Variants in DCUN1D4 observed in about 807,000 individuals in gnomAD.
DCUN1D4 encodes the protein DCN1-like protein 4.
Under a neutral mutation model 47.9 loss-of-function variants are expected in DCUN1D4, and 22 were observed. The ratio of observed to expected loss-of-function variants is 0.46; its 90% confidence interval spans 0.33 to 0.66. The LOEUF is 0.66. Among genes scored for constraint, DCUN1D4 ranks in the 30% least tolerant of loss-of-function variants. DCUN1D4 has a pLI of 0.02. For synonymous variants in DCUN1D4, 121 were observed against 112.2 expected (o/e 1.08, Z -0.50); for missense variants, 301 against 340.8 (o/e 0.88, Z 0.92).
the DCUN1D4 span, among the ~76,000 whole-genome samples, chr4:51,835,014 G>A: frequency 6.6e-6 from 1 of 152,190 alleles, no homozygotes; most frequent in Admixed American, 6.5e-5. Context: ...GGTGGGCAGA[G>A]AGAATACAGG....
intron 3 of DCUN1D4, among the ~76,000 whole-genome samples, chr4:51,872,902 G>T (rs1362229753): frequency 1.3e-5 from 2 of 152,264 alleles, no homozygotes; most frequent in Admixed American, 1.3e-4. Context: ...CCGTGATGCT[G>T]CTCGGAACCA....
chr4:51,869,514 A>G (rs971341671), intron 3 of DCUN1D4, among the ~76,000 whole-genome samples: 6 of 152,200 alleles, frequency 3.9e-5, no homozygotes, highest in African/African-American at 7.2e-5. Flanking sequence ...TGGCACATCT[A>G]TTTGTATTAA....
At position 51,843,171 on chromosome 4, in the gene DCUN1D4, A is replaced by G. The variant is rs979508919; in HGVS notation, c.-72A>G. 67 of 1,530,064 alleles carry G rather than the reference A, an allele frequency of 4.4e-5. No homozygotes were observed. The highest frequency in any genetic ancestry group is 1.0e-4 in the Admixed American group (5 of 49,422). The allele number at this position is 1,530,064 out of a possible 1,614,324, so 94.8% of individuals were successfully genotyped here. A position where few individuals can be genotyped will look rare whatever the true frequency, so the allele number is the denominator to read the frequency against. The stretch of plus-strand genomic sequence containing the variant: ...GGTCCTCAGCTTCGAGCCGAGGTGC[A>G]GTGAGCTGGTGGGGGGACCGCGAGG... On this transcript the variant is annotated 5_prime_UTR_variant, in exon 1 of 11. Coordinates refer to ENST00000334635, the MANE Select transcript of DCUN1D4 (RefSeq NM_001040402.3).
Position 51,859,497 on chromosome 4 carries a change from G to A in DCUN1D4, c.26-3940G>A, listed in dbSNP as rs778001121. On this transcript the variant is annotated intron_variant, in intron 1 of 10. Transcript: ENST00000334635. ...TCATTGTCTGAACTTACCAATAATT[G>A]TTTTATTAATGTTTATGTCTCCCCC... Among the ~76,000 whole-genome samples the A allele has an allele frequency of 1.2e-4, 18 of 151,680 alleles. 1 individual carries two copies. The highest frequency in any genetic ancestry group is 1.5e-4 in the Non-Finnish European group (10 of 67,922).
chr4:51,870,609 A>C (rs1371589173), intron 3 of DCUN1D4, among the ~76,000 whole-genome samples: 1 of 152,008 alleles, frequency 6.6e-6, no homozygotes, highest in Admixed American at 6.6e-5. Flanking sequence ...GATGTATCTT[A>C]TTATTACTGT....
Position 51,874,416 on chromosome 4 carries a change from G to A in DCUN1D4, c.251+31G>A, listed in dbSNP as rs570220450. On this transcript the variant is annotated intron_variant, in intron 4 of 10. Coordinates refer to ENST00000334635, the MANE Select transcript of DCUN1D4 (RefSeq NM_001040402.3). ...ATGTAGAGACAGTAGATCAGAATCA[G>A]TGATACATATGTCGAAGATGCACAT... 9 of 1,518,290 alleles carry A rather than the reference G, an allele frequency of 5.9e-6. No individual in the cohort carries two copies. The African/African-American group carries it at 1.2e-4, about 21-fold the overall frequency. The allele number at this position is 1,518,290 out of a possible 1,614,324, so 94.1% of individuals were successfully genotyped here.
chr4:51,911,280 T>A, intron 9 of DCUN1D4, 106 bp downstream of exon 9: 1 of 1,004,650 alleles, frequency 1.0e-6, no homozygotes, highest in Non-Finnish European at 1.5e-6. Context: ...CTTTTCTGCC[T>A]ATGTAGGAAT....
intron 8 of DCUN1D4, among the ~76,000 whole-genome samples, chr4:51,901,299 T>C (rs554451988): frequency 6.6e-6 from 1 of 152,272 alleles, no homozygotes; most frequent in South Asian, 2.1e-4. Flanking sequence ...CAGTCCACTT[T>C]ACAGAGTAAG....
chr4:51,874,562 C>T (rs1000372477), intron 4 of DCUN1D4, among the ~76,000 whole-genome samples, 177 bp downstream of exon 4: 8 of 152,064 alleles, frequency 5.3e-5, no homozygotes, highest in Admixed American at 2.6e-4. Flanking sequence ...AGTTTAAAAA[C>T]GTAAGAACAA....
At chr4:51,839,969 T>C (rs1721591416), upstream of DCUN1D4, among the ~76,000 whole-genome samples, 1 of 152,172 alleles carries the variant, frequency 6.6e-6, no homozygotes, top group Non-Finnish European at 1.5e-5. Context: ...CATTTCAAAA[T>C]ATATCTGATT....
At chr4:51,844,099 G>A (rs1259493714) in intron 1 of DCUN1D4, among the ~76,000 whole-genome samples, 1 of 149,082 alleles carries the variant, frequency 6.7e-6, no homozygotes, top group East Asian at 2.0e-4. Flanking sequence ...GTGGCAGAGT[G>A]GGGGCAGGGG....
chr4:51,842,562 T>C (rs916098276), upstream of DCUN1D4, among the ~76,000 whole-genome samples: 1 of 152,212 alleles, frequency 6.6e-6, no homozygotes, highest in Non-Finnish European at 1.5e-5. Context: ...TTAATCCAGT[T>C]TCCTGCGGTA....
rs35981680 is a variant in DCUN1D4, at chr4:51,859,638, CAAAAAAAAA to C, written c.26-3780_26-3772del. On this transcript the variant is annotated intron_variant, in intron 1 of 10. Coordinates refer to ENST00000334635, the MANE Select transcript of DCUN1D4 (RefSeq NM_001040402.3). Reference sequence around the variant, plus strand: ...CACAGCAAATGGTAGTTAAAACAAGCAAAAAAAAAAAAAAAAAAAAAAAAAAACCCAGAC... The same window carrying C: ...CACAGCAAATGGTAGTTAAAACAAGCAAAAAAAAAAAAAAAAAACCCAGAC... Among the ~76,000 whole-genome samples the C allele has an allele frequency of 4.8e-4, 19 of 39,496 alleles. No homozygotes were observed. The South Asian group carries it at 7.2e-3, about 15-fold the overall frequency. The allele number at this position is 39,496 out of a possible 152,430, so 25.9% of individuals were successfully genotyped here.
In DCUN1D4 at chr4:51,914,547, T is replaced by C. The variant is rs1000680978; in HGVS notation, c.*963T>C. 2 of 152,608 alleles carry C rather than the reference T, an allele frequency of 1.3e-5. No homozygotes were observed. The highest frequency in any genetic ancestry group is 4.8e-5 in the African/African-American group (2 of 41,456). The allele number at this position is 152,608 out of a possible 1,614,324, so 9.5% of individuals were successfully genotyped here. On this transcript the variant is annotated 3_prime_UTR_variant, in exon 11 of 11. Transcript: ENST00000334635. ...GTTAAGCTTTCATGGTATGTAATTT[T>C]CCAGCCTTTTGAGAAAACAAGCATA...
chr4:51,891,519 G>A (rs144811950), intron 6 of DCUN1D4, among the ~76,000 whole-genome samples: 16 of 152,174 alleles, frequency 1.1e-4, no homozygotes, highest in East Asian at 7.7e-4. Context: ...CTCCACTATC[G>A]TGCATCAGGA....
intron 1 of DCUN1D4, among the ~76,000 whole-genome samples, chr4:51,852,879 TTA>T (rs949311905): frequency 6.6e-6 from 1 of 152,220 alleles, no homozygotes; most frequent in African/African-American, 2.4e-5. Flanking sequence ...ACCCAGGGCT[TTA>T]TGTTATCAGA....
intron 1 of DCUN1D4, among the ~76,000 whole-genome samples, chr4:51,847,607 C>A (rs1722751575): frequency 6.6e-6 from 1 of 151,696 alleles, no homozygotes; most frequent in South Asian, 2.1e-4. Flanking sequence ...ACCAGCAATA[C>A]ATTTTTCTTT....
intron 3 of DCUN1D4, among the ~76,000 whole-genome samples, chr4:51,872,960 A>C (rs1313144900): frequency 1.3e-5 from 2 of 152,270 alleles, no homozygotes; most frequent in Non-Finnish European, 2.9e-5. Context: ...GCACCTAAGC[A>C]CTTAGTGAAT....
chr4:51,881,190 A>G (rs1455770614), intron 5 of DCUN1D4, among the ~76,000 whole-genome samples: 1 of 152,204 alleles, frequency 6.6e-6, no homozygotes, highest in Non-Finnish European at 1.5e-5. Flanking sequence ...ACTTTTTGAA[A>G]TATATCTAAG....
Sources: gnomAD v4.1 joint callset for allele counts (sites outside exome capture counted in the v4.1 genomes callset) on GRCh38, gnomAD v4.1.1 for gene constraint, MANE v1.5 for transcripts, NCBI Gene and HGNC (gene_info 2026-07-23, HGNC 2026-07-21) for gene names.